Variants in THBS4 observed in about 807,000 individuals in gnomAD.
THBS4 encodes the protein thrombospondin-4.
In THBS4, 90 loss-of-function variants were observed where a neutral mutation model predicts 115.7. The ratio of observed to expected loss-of-function variants is 0.78; its 90% CI spans 0.66 to 0.93. The LOEUF is 0.93. THBS4 is among the 40% of genes least tolerant of loss of function. The pLI, the probability that THBS4 is intolerant of heterozygous loss-of-function variation, is 0.00. For synonymous variants in THBS4, 460 were observed against 479.3 expected, an observed-to-expected ratio of 0.96 and a Z score of 0.53; for missense variants, 1,087 against 1,232.7, an observed-to-expected ratio of 0.88 and a Z score of 1.77.
chr5:80,079,076 A>G lies in THBS4; in HGVS notation c.2329A>G (p.Asn777Asp). 1 of 1,613,558 alleles carries G rather than the reference A, an allele frequency of 6.2e-7. No homozygotes were observed. Among genetic ancestry groups the G allele is most frequent in the Non-Finnish European group, 8.5e-7 (1 of 1,179,592 alleles). ...PGLAVGYTAF[N>D]GVDFEGTFHV... is the part of the protein sequence containing the mutation. ...GGTCCCTACAGGGTACACAGCTTTT[A>G]ATGGAGTTGACTTCGAAGGGACCTT... Residue 777 changes from asparagine (N) to aspartate (D), a missense_variant, in exon 19 of 22, where the codon AAT becomes GAT. Around this residue, in one of 3 missense-constraint regions of THBS4, gnomAD observed 979 missense variants for 1,103.7 expected, o/e 0.89. Transcript: ENST00000350881.
At chr5:79,997,352 A>C (rs1831815258) in intron 1 of THBS4, among the ~76,000 whole-genome samples, 3 of 152,132 alleles carry the variant, frequency 2.0e-5, no homozygotes. Flanking sequence ...TATACCATGC[A>C]AACATTGATC....
chr5:80,070,561 G>A, intron 11 of THBS4, 82 bp from the exon 12 acceptor site: 2 of 1,440,238 alleles, frequency 1.4e-6, no homozygotes, highest in Non-Finnish European at 2.0e-6. Flanking sequence ...CAACAATAAA[G>A]CCACAGTGTC....
intron 2 of THBS4, among the ~76,000 whole-genome samples, chr5:80,008,902 T>A (rs1832069152): frequency 6.6e-6 from 1 of 152,220 alleles, no homozygotes; most frequent in Non-Finnish European, 1.5e-5. Flanking sequence ...TGTATTAATA[T>A]CTTAGTAGAA....
At chr5:80,082,987 C>T in intron 21 of THBS4, 93 bp from the exon 22 acceptor site, 3 of 1,113,772 alleles carry the variant, frequency 2.7e-6, no homozygotes, top group Non-Finnish European at 4.0e-6. Context: ...GGGCTAACAG[C>T]GCCCCCTACA....
At chr5:80,004,041 A>G (rs1316783581) in intron 2 of THBS4, among the ~76,000 whole-genome samples, 1 of 152,168 alleles carries the variant, frequency 6.6e-6, no homozygotes, top group African/African-American at 2.4e-5. Flanking sequence ...AGGTGAATGA[A>G]GATAAAGGGA....
chr5:80,011,289 T>C (rs1374922170), intron 2 of THBS4, among the ~76,000 whole-genome samples: 1 of 152,044 alleles, frequency 6.6e-6, no homozygotes, highest in East Asian at 1.9e-4. Context: ...CCCAGTCCCA[T>C]GTATGTCTTT....
intron 2 of THBS4, among the ~76,000 whole-genome samples, chr5:80,044,034 T>G (rs1265547963): frequency 6.6e-6 from 1 of 152,212 alleles, no homozygotes; most frequent in African/African-American, 2.4e-5. Flanking sequence ...TCCTGCTGTC[T>G]GCTCCCTCGA....
At chr5:80,051,330 TAATAA>T (rs10590424) in intron 2 of THBS4, among the ~76,000 whole-genome samples, 82,832 of 151,338 alleles carry the variant, frequency 0.55, 23,053 homozygotes, top group African/African-American at 0.65. Flanking sequence ...ACTGCTCTGA[TAATAA>T]AATAAGTGTA....
At chr5:80,060,006 C>A in intron 7 of THBS4, 101 bp downstream of exon 7, 3 of 1,195,490 alleles carry the variant, frequency 2.5e-6, no homozygotes, top group Admixed American at 1.8e-5. Context: ...CTGACTTGGG[C>A]TGTCCTCCAG....
rs1743595108 is a variant in THBS4 at position 80,082,937 on chromosome 5, A to C, written c.2825-143A>C. The C allele has an allele frequency of 9.2e-6, 7 of 757,928 alleles. No individual in the cohort carries two copies. The East Asian group carries it at 1.7e-4, about 19-fold the overall frequency. The allele number at this position is 757,928 out of a possible 1,614,324, so 47.0% of individuals were successfully genotyped here. Reference sequence around the variant, plus strand: ...GCCAACGGTTTGCAAAGCAGCCTGCAGGAGAAAATGGCGGCGAGGGCCTGC... The same window carrying C: ...GCCAACGGTTTGCAAAGCAGCCTGCCGGAGAAAATGGCGGCGAGGGCCTGC... On this transcript the variant is annotated intron_variant, in intron 21 of 21. Transcript: ENST00000350881.
chr5:80,052,487 T>C (rs1389433257), intron 2 of THBS4: 2 of 152,244 alleles, frequency 1.3e-5, no homozygotes, highest in Non-Finnish European at 2.9e-5. Flanking sequence ...CATTTATTTA[T>C]ATTTATTTAA....
At chr5:80,066,045 A>G (rs890478145) in intron 9 of THBS4, among the ~76,000 whole-genome samples, 5 of 148,956 alleles carry the variant, frequency 3.4e-5, no homozygotes, top group Non-Finnish European at 7.4e-5. Flanking sequence ...CAGTGAGCCG[A>G]GATCGCACCA....
rs948040549 is a variant in THBS4 at position 80,035,934 on chromosome 5, G to A, written c.88+309G>A. The A allele has an allele frequency of 9.6e-7, 1 of 1,038,310 alleles. No homozygotes were observed. Among genetic ancestry groups the A allele is most frequent in the Non-Finnish European group, 1.2e-6 (1 of 851,754 alleles). The allele number at this position is 1,038,310 out of a possible 1,614,324, so 64.3% of individuals were successfully genotyped here. The stretch of plus-strand genomic sequence containing the variant: ...TACACGGTCCTAGACCTCTTAACAT[G>A]TTAGGCTCTGGTGTAGGGTGAATTC... On this transcript the variant is annotated intron_variant, in intron 1 of 21. Transcript: ENST00000350881. The surrounding 1 kb of genome is among the most constrained non-coding windows in gnomAD (Gnocchi z 4.6).
At chr5:79,998,027 A>G (rs1831829490) in intron 1 of THBS4, among the ~76,000 whole-genome samples, 1 of 152,242 alleles carries the variant, frequency 6.6e-6, no homozygotes, top group South Asian at 2.1e-4. Context: ...TATATCTGTT[A>G]AAGGACTTGG....
At chr5:80,053,021 T>A (rs2112075532) in intron 2 of THBS4, 1 of 152,290 alleles carries the variant, frequency 6.6e-6, no homozygotes, top group South Asian at 2.1e-4. Flanking sequence ...GTAATGGTTG[T>A]TTCTTGTAGA....
intron 2 of THBS4, among the ~76,000 whole-genome samples, chr5:80,050,215 A>G (rs2112067399): frequency 6.6e-6 from 1 of 152,098 alleles, no homozygotes; most frequent in African/African-American, 2.4e-5. Context: ...AAGACAGGGG[A>G]ATTGCAATGG....
chr5:80,053,634 TG>T (rs2112077489), intron 2 of THBS4, among the ~76,000 whole-genome samples: 1 of 152,324 alleles, frequency 6.6e-6, no homozygotes, highest in African/African-American at 2.4e-5. Context: ...GCAGCTGCAA[TG>T]ATGTGTTTAC....
At chr5:80,038,006 T>C (rs1038708501) in intron 1 of THBS4, among the ~76,000 whole-genome samples, 3 of 152,154 alleles carry the variant, frequency 2.0e-5, no homozygotes, top group Non-Finnish European at 2.9e-5. Context: ...ATGTGAAAAA[T>C]ACAGTATAGA....
chr5:80,056,091 T>C, intron 3 of THBS4, 59 bp downstream of exon 3: 1 of 1,518,646 alleles, frequency 6.6e-7, no homozygotes, highest in Non-Finnish European at 8.8e-7. Context: ...GCCTAGGGAG[T>C]GCAGAGGAGC....
Sources: allele counts gnomAD v4.1 joint callset (sites outside exome capture counted in the v4.1 genomes callset), GRCh38; gene constraint gnomAD v4.1.1; regional missense constraint gnomAD v4.1.1; non-coding constraint Gnocchi (gnomAD v3.1); transcripts MANE v1.5; gene names NCBI Gene and HGNC (gene_info 2026-07-23, HGNC 2026-07-21).